The following PTPRS variants were observed in gnomAD, a reference collection of about 807,000 sequenced individuals.
The protein encoded by PTPRS is protein tyrosine phosphatase receptor type S, also known as receptor-type tyrosine-protein phosphatase S.
PTPRS carries 63 observed loss-of-function variants against 215.3 expected under a neutral mutation model. The ratio of observed to expected loss-of-function variants is 0.29; its 90% confidence interval spans 0.24 to 0.36. PTPRS has a LOEUF of 0.36. Among genes scored for constraint, PTPRS ranks in the 10% least tolerant of loss-of-function variants. PTPRS has a pLI of 1.00. For synonymous variants in PTPRS, 1,404 were observed against 1,191.4 expected, an observed-to-expected ratio of 1.18 and a Z score of -3.68; for missense variants, 2,258 against 2,825.8, an observed-to-expected ratio of 0.80 and a Z score of 4.56.
intron 4 of PTPRS, among the ~76,000 whole-genome samples, chr19:5,267,364 A>G (rs1253149331): frequency 6.6e-6 from 1 of 152,062 alleles, no homozygotes; most frequent in Non-Finnish European, 1.5e-5. Context: ...GGTGCTCTAC[A>G]AACCAAGATG....
intron 14 of PTPRS, among the ~76,000 whole-genome samples, chr19:5,230,698 T>G (rs1414962755): frequency 2.0e-5 from 3 of 152,210 alleles, no homozygotes; most frequent in Non-Finnish European, 4.4e-5. Flanking sequence ...GAGACTCATA[T>G]GATCCTCCTG....
intron 1 of PTPRS, among the ~76,000 whole-genome samples, chr19:5,316,366 A>G (rs2049875983): frequency 6.6e-6 from 1 of 152,036 alleles, no homozygotes; most frequent in Admixed American, 6.6e-5. Flanking sequence ...CTCTTGCCCC[A>G]GATTTGCTGA....
chr19:5,225,889 C>T (rs1201323261), intron 16 of PTPRS, 45 bp from the exon 17 acceptor site: 18 of 1,500,064 alleles, frequency 1.2e-5, no homozygotes, highest in Non-Finnish European at 1.6e-5. Context: ...GGGCTGGGAG[C>T]AGCCCCACCC....
chr19:5,272,379 C>T (rs547635552), intron 4 of PTPRS, among the ~76,000 whole-genome samples: 1 of 152,018 alleles, frequency 6.6e-6, no homozygotes, highest in Admixed American at 6.6e-5. Flanking sequence ...AGGCGGATCA[C>T]TTGAGGTCAG....
chr19:5,207,893 G>T, intron 37 of PTPRS, 29 bp downstream of exon 37: 1 of 1,609,118 alleles, frequency 6.2e-7, no homozygotes, highest in South Asian at 1.1e-5. Context: ...GTGAGGCCAG[G>T]CTGCCTCCCC....
rs1165486490 is a variant in PTPRS at position 5,245,978 on chromosome 19, C to T, written c.786G>A (p.Val262=). 3 of 1,603,132 alleles carry T rather than the reference C, an allele frequency of 1.9e-6. No individual in the cohort carries two copies. Among genetic ancestry groups the T allele is most frequent in the Non-Finnish European group, 2.6e-6 (3 of 1,174,496 alleles). The change falls in exon 10 of 38, where the codon GTG becomes GTA. Residue 262 remains valine, a synonymous_variant. Transcript: ENST00000262963. ...AGCCCACGGCCACGCAGGTGATGTT[C>T]ACGTTGCCCCCTGGCATGATCTCGT... ...MSHEIMPGGN[V]NITCVAVGSP...
At position 5,304,522 on chromosome 19, in the gene PTPRS, G is replaced by A. The variant is rs368799959; in HGVS notation, c.-94-18288C>T. On this transcript the variant is annotated intron_variant, in intron 1 of 37. Transcript: ENST00000262963. ...AAATTAGCCAGGCATGGTGGTGCAC[G>A]CCTGTAGTCCCAGCTACTCAGGAAG... is the stretch of plus-strand genomic sequence containing the variant. Among the ~76,000 whole-genome samples the A allele has an allele frequency of 6.6e-5, 10 of 152,156 alleles. No homozygotes were observed. In the East Asian group the frequency reaches 9.7e-4, roughly 15 times the overall value.
At chr19:5,284,287 G>A (rs1312123719) in intron 2 of PTPRS, among the ~76,000 whole-genome samples, 6 of 151,950 alleles carry the variant, frequency 3.9e-5, no homozygotes, top group Non-Finnish European at 7.3e-5. Flanking sequence ...TTGAATCTGG[G>A]AGGCGGAGGT....
At chr19:5,330,384 G>A (rs769510035) in intron 1 of PTPRS, among the ~76,000 whole-genome samples, 2 of 152,222 alleles carry the variant, frequency 1.3e-5, no homozygotes, top group Non-Finnish European at 2.9e-5. Context: ...AGAAAACACA[G>A]GGCCAGGCAC....
intron 1 of PTPRS, among the ~76,000 whole-genome samples, chr19:5,319,283 C>T (rs1177957438): frequency 6.6e-6 from 1 of 151,980 alleles, no homozygotes; most frequent in South Asian, 2.1e-4. Context: ...TGGTGGTGTG[C>T]GCCTGTAGTT....
chr19:5,328,375 G>T (rs925279240), intron 1 of PTPRS, among the ~76,000 whole-genome samples: 1 of 151,990 alleles, frequency 6.6e-6, no homozygotes, highest in African/African-American at 2.4e-5. Context: ...CTCCCAAAGC[G>T]CTGGGATTAC....
rs556631492 is a variant in PTPRS at position 5,237,635 on chromosome 19, C to T, written c.1849+1284G>A. On this transcript the variant is annotated intron_variant, in intron 13 of 37. Coordinates refer to ENST00000262963, the MANE Select transcript of PTPRS (RefSeq NM_002850.4). The surrounding 1 kb of genome is among the most constrained non-coding windows in gnomAD (Gnocchi z 4.2). ...TTCAGCCCAGAGTGGCTGGGGCAGG[C>T]GGGGGGGCACGCGGGGTGGGCCGTT... 3.4e-3 allele frequency among the ~76,000 whole-genome samples: 513 copies of T among 152,016 alleles called. 4 individuals carry two copies. The highest frequency in any genetic ancestry group is 0.012 in the African/African-American group (491 of 41,468).
chr19:5,324,164 C>T (rs540987128), intron 1 of PTPRS, among the ~76,000 whole-genome samples: 1 of 136,184 alleles, frequency 7.3e-6, no homozygotes, highest in African/African-American at 2.8e-5. Context: ...GAGACAGAGG[C>T]TGTGGTGAGC....
In PTPRS at chr19:5,212,097, G is replaced by T; in HGVS notation, c.4923C>A (p.Ile1641=). The change falls in exon 32 of 38, where the codon ATC becomes ATA. Residue 1641 remains isoleucine, a synonymous_variant. Coordinates refer to ENST00000262963, the MANE Select transcript of PTPRS (RefSeq NM_002850.4). ...MVQTEDQYSF[I]HEALLEAVGC... is the part of the protein sequence containing the mutation. The stretch of plus-strand genomic sequence containing the variant: ...CCACGGCCTCCAGCAGGGCCTCGTG[G>T]ATGAAGCTGTACTGGTCCTCCGTCT... 6.2e-7 allele frequency: 1 copy of T among 1,614,072 alleles called. No individual in the cohort carries two copies. Among genetic ancestry groups the T allele is most frequent in the African/African-American group, 1.3e-5 (1 of 75,080 alleles).
intron 35 of PTPRS, among the ~76,000 whole-genome samples, chr19:5,209,008 G>A (rs535516517): frequency 4.6e-5 from 7 of 151,818 alleles, no homozygotes; most frequent in East Asian, 1.9e-4. Flanking sequence ...ATCTTTCATC[G>A]TCCACCATCC....
intron 4 of PTPRS, among the ~76,000 whole-genome samples, chr19:5,271,994 G>A (rs1252380628): frequency 6.6e-6 from 1 of 152,126 alleles, no homozygotes; most frequent in African/African-American, 2.4e-5. Context: ...CCAAAGTGCT[G>A]GGATTACAGA....
intron 2 of PTPRS, among the ~76,000 whole-genome samples, chr19:5,276,453 C>T (rs2047369105): frequency 6.6e-6 from 1 of 152,008 alleles, no homozygotes; most frequent in Admixed American, 6.6e-5. Context: ...GAACTCCTGA[C>T]CTCAAGTGAT....
intron 4 of PTPRS, among the ~76,000 whole-genome samples, chr19:5,269,017 G>A (rs78305104): frequency 4.6e-5 from 7 of 152,238 alleles, no homozygotes; most frequent in East Asian, 1.9e-4. Context: ...TGACATCATC[G>A]GAGATGAGGG....
At chr19:5,213,834 G>A (rs2041159523) in intron 30 of PTPRS, among the ~76,000 whole-genome samples, 1 of 152,212 alleles carries the variant, frequency 6.6e-6, no homozygotes, top group African/African-American at 2.4e-5. Flanking sequence ...AATGTCTCCT[G>A]GATGGCAGAA....
Sources: gnomAD v4.1 joint callset for allele counts (sites outside exome capture counted in the v4.1 genomes callset) on GRCh38, gnomAD v4.1.1 for gene constraint, Gnocchi (gnomAD v3.1) non-coding constraint, MANE v1.5 for transcripts, NCBI Gene and HGNC (gene_info 2026-07-23, HGNC 2026-07-21) for gene names.